The following RANBP2 variants were observed in gnomAD, a reference collection of about 807,000 sequenced individuals.
RANBP2 encodes RAN binding protein 2, also known as E3 SUMO-protein ligase RanBP2.
Under a neutral mutation model 303.6 loss-of-function variants are expected in RANBP2, and 57 were observed. The ratio of observed to expected loss-of-function variants is 0.19; its 90% CI spans 0.15 to 0.23. The LOEUF (loss-of-function observed/expected upper bound fraction) is 0.23. Ranked by LOEUF, RANBP2 falls within the 10% of genes least tolerant of loss-of-function variation. The pLI, the probability that RANBP2 is intolerant of heterozygous loss-of-function variation, is 1.00. For missense variants in RANBP2, 3,138 were observed against 3,780.8 expected, an observed-to-expected ratio of 0.83 and a Z score of 4.46; for synonymous variants, 1,167 against 1,301.5, an observed-to-expected ratio of 0.90 and a Z score of 2.23.
the RANBP2 span, among the ~76,000 whole-genome samples, chr2:108,932,518 G>A: frequency 8.8e-6 from 1 of 113,160 alleles, no homozygotes; most frequent in South Asian, 3.1e-4. Flanking sequence ...GACAGAGTGA[G>A]ACTCTGTCTC....
the RANBP2 span, among the ~76,000 whole-genome samples, chr2:109,152,000 C>T: frequency 2.0e-5 from 3 of 152,084 alleles, no homozygotes; most frequent in Non-Finnish European, 4.4e-5. Context: ...TTTTTCATAC[C>T]CAGCTGATTA....
chr2:109,085,464 T>C, the RANBP2 span, among the ~76,000 whole-genome samples: 4 of 151,714 alleles, frequency 2.6e-5, no homozygotes, highest in African/African-American at 7.3e-5. Context: ...CCACCACGCC[T>C]CGCTAATTTT....
At chr2:109,290,492 C>A in the RANBP2 span, among the ~76,000 whole-genome samples, 1 of 152,256 alleles carries the variant, frequency 6.6e-6, no homozygotes, top group African/African-American at 2.4e-5. Context: ...TAGCGCCCAA[C>A]TTCTATTTTC....
At chr2:109,683,028 C>T in the RANBP2 span, among the ~76,000 whole-genome samples, 6 of 152,134 alleles carry the variant, frequency 3.9e-5, no homozygotes, top group East Asian at 1.9e-4. Flanking sequence ...TATTTGGAGA[C>T]GGAGTCTTGC....
At chr2:109,344,438 G>A in the RANBP2 span, among the ~76,000 whole-genome samples, 2 of 152,246 alleles carry the variant, frequency 1.3e-5, no homozygotes, top group Non-Finnish European at 2.9e-5. Context: ...GACTGAGGAT[G>A]CTGTCTGCCG....
intron 17 of RANBP2, among the ~76,000 whole-genome samples, chr2:108,757,024 G>T (rs1466200293): frequency 6.6e-6 from 1 of 152,148 alleles, no homozygotes. Context: ...CTCATGGTTA[G>T]GTCTTTCTGG....
At chr2:109,588,241 G>C in the RANBP2 span, among the ~76,000 whole-genome samples, 1 of 152,064 alleles carries the variant, frequency 6.6e-6, no homozygotes, top group Non-Finnish European at 1.5e-5. Context: ...TATAAAAAAT[G>C]ATCAAAGTTC....
At chr2:108,841,299 T>C in the RANBP2 span, among the ~76,000 whole-genome samples, 2 of 152,202 alleles carry the variant, frequency 1.3e-5, no homozygotes, top group African/African-American at 4.8e-5. Context: ...TGTTTGTGAG[T>C]TGTTCTATAT....
At chr2:109,573,166 C>T in the RANBP2 span, among the ~76,000 whole-genome samples, 3 of 151,904 alleles carry the variant, frequency 2.0e-5, no homozygotes, top group African/African-American at 7.3e-5. Context: ...AGTTCTTCTC[C>T]CTAGTTTTTA....
At chr2:109,311,714 T>G in the RANBP2 span, among the ~76,000 whole-genome samples, 8 of 152,342 alleles carry the variant, frequency 5.3e-5, no homozygotes, top group African/African-American at 1.9e-4. Context: ...TGGTGGTGGT[T>G]TTGTTTTTCC....
the RANBP2 span, among the ~76,000 whole-genome samples, chr2:109,030,897 A>T: frequency 0.033 from 5,055 of 152,100 alleles, 107 homozygotes; most frequent in Middle Eastern, 0.068. Context: ...CAGTTTTTTA[A>T]CATCTCCCAA....
At chr2:109,056,478 T>A in the RANBP2 span, among the ~76,000 whole-genome samples, 2 of 152,072 alleles carry the variant, frequency 1.3e-5, no homozygotes, top group African/African-American at 4.8e-5. Flanking sequence ...CAGCTTATAG[T>A]CTTTAGATCT....
the RANBP2 span, among the ~76,000 whole-genome samples, chr2:109,211,479 G>A: frequency 2.6e-5 from 4 of 152,178 alleles, no homozygotes; most frequent in Non-Finnish European, 5.9e-5. Flanking sequence ...ATGCAGATGG[G>A]CGCAACTGCG....
the RANBP2 span, among the ~76,000 whole-genome samples, chr2:109,460,757 A>G: frequency 6.6e-6 from 1 of 152,360 alleles, no homozygotes; most frequent in Non-Finnish European, 1.5e-5. Flanking sequence ...TCCCTGACCA[A>G]CCAGCCAAAT....
At chr2:109,343,999 C>T in the RANBP2 span, among the ~76,000 whole-genome samples, 1 of 152,200 alleles carries the variant, frequency 6.6e-6, no homozygotes, top group African/African-American at 2.4e-5. Flanking sequence ...CATCCTCAGC[C>T]TCCCAAAGTG....
At chr2:109,742,935 A>C in the RANBP2 span, among the ~76,000 whole-genome samples, 1 of 148,538 alleles carries the variant, frequency 6.7e-6, no homozygotes, top group African/African-American at 2.6e-5. Context: ...AAGACAATTT[A>C]ATACAAAAAT....
At chr2:109,702,255 A>G in the RANBP2 span, among the ~76,000 whole-genome samples, 1 of 152,200 alleles carries the variant, frequency 6.6e-6, no homozygotes, top group Non-Finnish European at 1.5e-5. Context: ...CCCTCTAGAG[A>G]GAACAAACTT....
chr2:108,766,741 A>G lies in RANBP2; in HGVS notation c.6202A>G (p.Asn2068Asp). The G allele has an allele frequency of 6.2e-7, 1 of 1,612,066 alleles. No homozygotes were observed. The highest frequency in any genetic ancestry group is 8.5e-7 in the Non-Finnish European group (1 of 1,179,864). Residue 2068 changes from asparagine (N) to aspartate (D), a missense_variant, in exon 20 of 29, where the codon AAT becomes GAT. Asn to Asp is a conservative substitution (Grantham distance 23). Transcript: ENST00000283195. ...GNLKILKNEV[N>D]GKLRMLMRRE... ...CTTAAAAATTCTCAAAAACGAGGTCAATGGCAAACTAAGAATGCTGATGCG... is the reference window on the plus strand; with the variant it reads ...CTTAAAAATTCTCAAAAACGAGGTCGATGGCAAACTAAGAATGCTGATGCG...
At chr2:108,812,358 T>TA in the RANBP2 span, among the ~76,000 whole-genome samples, 2 of 152,148 alleles carry the variant, frequency 1.3e-5, no homozygotes, top group East Asian at 3.8e-4. Context: ...TACTTATTAA[T>TA]AAAAACATTT....
Sources: gnomAD v4.1 joint callset for allele counts (sites outside exome capture counted in the v4.1 genomes callset) on GRCh38, gnomAD v4.1.1 for gene constraint, MANE v1.5 for transcripts, NCBI Gene and HGNC (gene_info 2026-07-23, HGNC 2026-07-21) for gene names.